Variants in TAF15 observed in about 807,000 individuals in gnomAD.
TAF15 encodes the protein TATA-binding protein-associated factor 2N.
A neutral mutation model predicts 102.5 loss-of-function variants in TAF15; 37 were observed. That is an observed-to-expected ratio of 0.36 (90% CI 0.28 to 0.47). The LOEUF is 0.47. TAF15 is among the 20% of genes least tolerant of loss of function. The probability of loss-of-function intolerance (pLI) is 0.99; values close to 1 mark genes in which losing one functional copy is unlikely to be tolerated. For synonymous variants in TAF15, 273 were observed against 259.2 expected, an observed-to-expected ratio of 1.05 and a Z score of -0.51; for missense variants, 652 against 760.7, an observed-to-expected ratio of 0.86 and a Z score of 1.68.
intron 7 of TAF15, chr17:35,833,686 T>A: frequency 1.8e-6 from 1 of 549,004 alleles, no homozygotes; most frequent in Admixed American, 3.0e-5. Context: ...ATATTAGATA[T>A]GTAATAAGCT....
At chr17:35,826,406 T>C (rs1350394407) in intron 7 of TAF15, among the ~76,000 whole-genome samples, 1 of 152,172 alleles carries the variant, frequency 6.6e-6, no homozygotes, top group African/African-American at 2.4e-5. Flanking sequence ...ATAGTAAATG[T>C]TCTGGGTTTG....
intron 15 of TAF15, 147 bp from the exon 16 acceptor site, chr17:35,846,759 C>CT: frequency 1.2e-6 from 1 of 816,456 alleles, no homozygotes; most frequent in Non-Finnish European, 2.1e-6. Context: ...TAAGTATCTT[C>CT]TAGGAGTACA....
chr17:35,825,819 G>C (rs139208005), intron 7 of TAF15, among the ~76,000 whole-genome samples: 1,885 of 152,194 alleles, frequency 0.012, 30 homozygotes, highest in African/African-American at 0.04. Context: ...GTGGTGGCAG[G>C]CGCCTGTAGT....
At position 35,838,477 on chromosome 17, in the gene TAF15, A is replaced by C; in HGVS notation, c.837A>C (p.Thr279=). 6.2e-7 allele frequency: 1 copy of C among 1,614,236 alleles called. No individual in the cohort carries two copies. Among genetic ancestry groups the C allele is most frequent in the East Asian group, 2.2e-5 (1 of 44,880 alleles). Residue 279 remains threonine (T), a synonymous_variant, in exon 11 of 16, where the codon ACA becomes ACC. Coordinates refer to ENST00000605844, the MANE Select transcript of TAF15 (RefSeq NM_139215.3). ...PMINLYTDKD[T]GKPKGEATVS... ...TAAATCTTTATACAGACAAGGACAC[A>C]GGAAAGCCAAAGGGGGAGGCAACAG...
At chr17:35,823,781 G>T in intron 6 of TAF15, 1 of 386,220 alleles carries the variant, frequency 2.6e-6, no homozygotes, top group South Asian at 2.6e-5. Context: ...AGCTAAGATT[G>T]TATTTTAACT....
intron 1 of TAF15, among the ~76,000 whole-genome samples, chr17:35,815,917 C>T (rs1220704637): frequency 2.0e-5 from 3 of 152,026 alleles, no homozygotes; most frequent in Non-Finnish European, 4.4e-5. Flanking sequence ...AGTTTTATGC[C>T]CTCCATATTC....
chr17:35,814,975 A>G (rs1240211367), intron 1 of TAF15, among the ~76,000 whole-genome samples: 1 of 152,232 alleles, frequency 6.6e-6, no homozygotes, highest in East Asian at 1.9e-4. Context: ...TGTGTAATTA[A>G]TAGATCAGGC....
chr17:35,809,793 C>G (rs1316286251), intron 1 of TAF15: 32 of 643,182 alleles, frequency 5.0e-5, no homozygotes, highest in Non-Finnish European at 7.0e-5. Context: ...CCTCGGGCCT[C>G]TTGTCTTTTG....
Position 35,844,802 on chromosome 17 carries a change from TGGA to T in TAF15, c.1508_1510del (p.Gly503del). On this transcript the variant is annotated inframe_deletion, in exon 15 of 16. Coordinates refer to ENST00000605844, the MANE Select transcript of TAF15 (RefSeq NM_139215.3). ...GCTATGGTGGAGACCGAGGAGGCTA[TGGA>T]GGAGATCGAGGAGGTTACGGAGGAG... The T allele has an allele frequency of 6.3e-7, 1 of 1,597,970 alleles. No homozygotes were observed. The highest frequency in any genetic ancestry group is 8.5e-7 in the Non-Finnish European group (1 of 1,169,852).
intron 12 of TAF15, among the ~76,000 whole-genome samples, 191 bp downstream of exon 12, chr17:35,842,650 GGAAATGGTTGTA>G (rs1425419102): frequency 6.6e-6 from 1 of 152,176 alleles, no homozygotes; most frequent in Non-Finnish European, 1.5e-5. Flanking sequence ...GAAAGTAGTG[GGAAATGGTTGTA>G]GAAATCCCTT....
At chr17:35,839,996 A>G (rs1184344508) in intron 11 of TAF15, among the ~76,000 whole-genome samples, 1 of 152,102 alleles carries the variant, frequency 6.6e-6, no homozygotes, top group Non-Finnish European at 1.5e-5. Flanking sequence ...ACTCAATTTA[A>G]TCTTCATAAT....
chr17:35,815,407 T>G (rs1314475500), intron 1 of TAF15, among the ~76,000 whole-genome samples: 1 of 152,228 alleles, frequency 6.6e-6, no homozygotes, highest in Non-Finnish European at 1.5e-5. Flanking sequence ...AGGGACAGAT[T>G]TACTAGTCAG....
At chr17:35,820,485 C>T (rs745829221) in intron 5 of TAF15, 48 bp downstream of exon 5, 2 of 1,531,476 alleles carry the variant, frequency 1.3e-6, no homozygotes, top group Non-Finnish European at 9.0e-7. Flanking sequence ...GTGGAAATAA[C>T]ACTGATATTA....
chr17:35,823,421 C>T (rs4251749), intron 6 of TAF15, among the ~76,000 whole-genome samples: 40,393 of 151,784 alleles, frequency 0.27, 6,385 homozygotes, highest in African/African-American at 0.44. Flanking sequence ...ATTGGGGGGC[C>T]GGGCGCAGTG....
At chr17:35,822,968 A>C in intron 6 of TAF15, 135 bp downstream of exon 6, 1 of 1,083,406 alleles carries the variant, frequency 9.2e-7, no homozygotes, top group Non-Finnish European at 1.4e-6. Context: ...GTTCCCTCTC[A>C]TGGTAATCAA....
At chr17:35,813,193 AC>A (rs1345131550) in intron 1 of TAF15, among the ~76,000 whole-genome samples, 1 of 151,996 alleles carries the variant, frequency 6.6e-6, no homozygotes, top group Non-Finnish European at 1.5e-5. Flanking sequence ...ATCAAGTAAA[AC>A]GTTTAGAATT....
At chr17:35,812,155 A>G (rs559803422) in intron 1 of TAF15, among the ~76,000 whole-genome samples, 2 of 152,312 alleles carry the variant, frequency 1.3e-5, no homozygotes, top group East Asian at 1.9e-4. Context: ...AGGACTGTAC[A>G]TTATGTGAAG....
chr17:35,827,467 G>C (rs1022296943), intron 7 of TAF15, among the ~76,000 whole-genome samples: 28 of 152,180 alleles, frequency 1.8e-4, no homozygotes, highest in African/African-American at 6.3e-4. Context: ...GCACTTTGGA[G>C]GGCACAGCGG....
intron 1 of TAF15, among the ~76,000 whole-genome samples, chr17:35,812,236 A>G (rs1205534383): frequency 6.6e-6 from 1 of 152,190 alleles, no homozygotes; most frequent in Non-Finnish European, 1.5e-5. Flanking sequence ...AGGCTCCAGG[A>G]AACTTTAAGA....
Sources: gnomAD v4.1 joint callset for allele counts (sites outside exome capture counted in the v4.1 genomes callset) on GRCh38, gnomAD v4.1.1 for gene constraint, MANE v1.5 for transcripts, NCBI Gene and HGNC (gene_info 2026-07-23, HGNC 2026-07-21) for gene names.